The following LAMA3 variants were observed in gnomAD, a reference collection of about 807,000 sequenced individuals.
LAMA3 encodes laminin subunit alpha-3.
Under a neutral mutation model 402.0 loss-of-function variants are expected in LAMA3, and 281 were observed. That is an observed-to-expected ratio of 0.70 (90% confidence interval 0.63 to 0.77). The LOEUF (loss-of-function observed/expected upper bound fraction) is 0.77. Ranked by LOEUF, LAMA3 falls within the 30% of genes least tolerant of loss-of-function variation. The pLI is 0.00. For missense variants in LAMA3, 3,840 were observed against 4,215.5 expected (o/e 0.91, Z 2.47); for synonymous variants, 1,431 against 1,558.4 (o/e 0.92, Z 1.93).
chr18:23,925,638 C>T (rs1174814455), intron 62 of LAMA3, among the ~76,000 whole-genome samples: 2 of 152,148 alleles, frequency 1.3e-5, no homozygotes, highest in African/African-American at 4.8e-5. Flanking sequence ...TACATAAATA[C>T]CCCAACGCAG....
chr18:23,891,470 A>C (rs895803353), intron 42 of LAMA3, among the ~76,000 whole-genome samples: 1 of 152,202 alleles, frequency 6.6e-6, no homozygotes, highest in Non-Finnish European at 1.5e-5. Context: ...GCTGGTCTCC[A>C]AGGGCCTTCA....
chr18:23,856,208 A>C (rs2064075812), intron 32 of LAMA3, among the ~76,000 whole-genome samples: 1 of 152,194 alleles, frequency 6.6e-6, no homozygotes, highest in Admixed American at 6.5e-5. Context: ...ATCACATACA[A>C]AATCCTTTAT....
rs778508516 is a variant in LAMA3, at chr18:23,890,012, T to G, written c.5305T>G (p.Cys1769Gly). Residue 1769 changes from cysteine to glycine, a missense_variant and splice_region_variant, in exon 42 of 75, where the codon TGT (cysteine) becomes GGT (glycine). Cys to Gly is a radical substitution (Grantham distance 159). Coordinates refer to ENST00000313654, the MANE Select transcript of LAMA3 (RefSeq NM_198129.4). ...TCCTCCTCTCTATATTTTGTGTAGG[T>G]GTGCACCGGGATATTTCGGGAATCC... Reference protein sequence around the residue: ...AGYTGTQCERCAPGYFGNPQK... With the variant: ...AGYTGTQCERGAPGYFGNPQK... 2 of 1,611,260 alleles carry G rather than the reference T, an allele frequency of 1.2e-6. No homozygotes were observed. Among genetic ancestry groups the G allele is most frequent in the Non-Finnish European group, 1.7e-6 (2 of 1,177,578 alleles).
chr18:23,917,327 A>T (rs1401931682), intron 60 of LAMA3, among the ~76,000 whole-genome samples: 1 of 152,194 alleles, frequency 6.6e-6, no homozygotes, highest in Admixed American at 6.5e-5. Flanking sequence ...GATGCAAGGA[A>T]CATTGGCGTG....
chr18:23,692,008 C>A (rs1178865839), intron 1 of LAMA3, among the ~76,000 whole-genome samples: 1 of 152,196 alleles, frequency 6.6e-6, no homozygotes, highest in Non-Finnish European at 1.5e-5. Context: ...AAATGTAGAA[C>A]CCCTTGTTAA....
intron 48 of LAMA3, 24 bp downstream of exon 48, chr18:23,901,347 A>C: frequency 6.3e-7 from 1 of 1,591,896 alleles, no homozygotes; most frequent in Non-Finnish European, 8.6e-7. Context: ...TTGAAGTTGC[A>C]CACTTTCGTT....
Position 23,822,234 on chromosome 18 carries a change from C to T in LAMA3, c.2305-18C>T, listed in dbSNP as rs765587107. On this transcript the variant is annotated intron_variant, in intron 19 of 74. Coordinates refer to ENST00000313654, the MANE Select transcript of LAMA3 (RefSeq NM_198129.4). ...AACCATTTTTTTCTATGCTTTATGG[C>T]GTTTCGGTATTTTTCAGAATGATGT... 22 of 1,613,322 alleles carry T rather than the reference C, an allele frequency of 1.4e-5. No individual in the cohort carries two copies. Among genetic ancestry groups the T allele is most frequent in the South Asian group, 4.4e-5 (4 of 91,056 alleles).
intron 70 of LAMA3, among the ~76,000 whole-genome samples, chr18:23,947,419 G>A (rs374343283): frequency 1.3e-5 from 2 of 152,160 alleles, no homozygotes; most frequent in Non-Finnish European, 2.9e-5. Flanking sequence ...TTGGTGTGAT[G>A]TTTGCTTGCA....
At chr18:23,751,372 T>C (rs2061749824) in intron 5 of LAMA3, among the ~76,000 whole-genome samples, 1 of 152,204 alleles carries the variant, frequency 6.6e-6, no homozygotes, top group Admixed American at 6.5e-5. Context: ...CAGCCAACAA[T>C]TCCCAAATCT....
rs551520601 is a variant in LAMA3 at position 23,911,020 on chromosome 18, T to A, written c.7159-1691T>A. ...GAACGGGTGCCAGTTCTGTCAGTCATGTTCCATTTCATGGTGATGCACATA... is the reference window on the plus strand; with the variant it reads ...GAACGGGTGCCAGTTCTGTCAGTCAAGTTCCATTTCATGGTGATGCACATA... On this transcript the variant is annotated intron_variant, in intron 55 of 74. Coordinates refer to ENST00000313654, the MANE Select transcript of LAMA3 (RefSeq NM_198129.4). 2.9e-5 allele frequency among the ~76,000 whole-genome samples: 4 copies of A among 137,302 alleles called. 1 individual carries two copies. Among genetic ancestry groups the A allele is most frequent in the Admixed American group, 1.5e-4 (2 of 13,206 alleles). The allele number at this position is 137,302 out of a possible 152,430, so 90.1% of individuals were successfully genotyped here. A position where few individuals can be genotyped will look rare whatever the true frequency, so the allele number is the denominator to read the frequency against.
intron 39 of LAMA3, among the ~76,000 whole-genome samples, chr18:23,877,059 A>G (rs865921216): frequency 6.6e-6 from 1 of 152,166 alleles, no homozygotes; most frequent in Admixed American, 6.5e-5. Flanking sequence ...AACAACAACA[A>G]CAACAAACAG....
At position 23,694,650 on chromosome 18, in the gene LAMA3, T is replaced by G. The variant is rs573763100; in HGVS notation, c.294+4673T>G. Among the ~76,000 whole-genome samples, 25 of 152,364 alleles carry G rather than the reference T, an allele frequency of 1.6e-4. 1 individual carries two copies. Among genetic ancestry groups the G allele is most frequent in the Admixed American group, 1.5e-3 (23 of 15,308 alleles). On this transcript the variant is annotated intron_variant, in intron 1 of 74. Coordinates refer to ENST00000313654, the MANE Select transcript of LAMA3 (RefSeq NM_198129.4). ...CAGATTTAAACCCAGGTACTCTGGC[T>G]GCAGAATTCACGCTCTTACCCGCTA... is the stretch of plus-strand genomic sequence containing the variant.
Position 23,730,786 on chromosome 18 carries a change from C to T in LAMA3, c.447+16714C>T, listed in dbSNP as rs368524084. On this transcript the variant is annotated intron_variant, in intron 2 of 74. Coordinates refer to ENST00000313654, the MANE Select transcript of LAMA3 (RefSeq NM_198129.4). ...GATACATTTTTTCTTACTTAGAATA[C>T]GCTGTCCGGGCATATTTTACCTTTA... Among the ~76,000 whole-genome samples, 64 of 152,184 alleles carry T rather than the reference C, an allele frequency of 4.2e-4. 3 individuals carry two copies. In the South Asian group the frequency reaches 0.01, roughly 24 times the overall value.
chr18:23,907,487 A>G (rs2081286795), intron 52 of LAMA3, 63 bp from the exon 53 acceptor site: 7 of 1,213,278 alleles, frequency 5.8e-6, no homozygotes, highest in African/African-American at 1.5e-5. Context: ...CAGGGGCCAC[A>G]AATACCAATG....
At chr18:23,876,952 C>T (rs1268646065) in intron 39 of LAMA3, among the ~76,000 whole-genome samples, 2 of 152,134 alleles carry the variant, frequency 1.3e-5, no homozygotes, top group African/African-American at 4.8e-5. Context: ...ACCCTGGAGG[C>T]AGAGGTTGCA....
chr18:23,743,807 A>G (rs1409002745), intron 2 of LAMA3, among the ~76,000 whole-genome samples: 2 of 152,218 alleles, frequency 1.3e-5, no homozygotes, highest in East Asian at 1.9e-4. Context: ...GTCCCTCTCC[A>G]TCATTTCTCC....
At chr18:23,749,741 G>A (rs1447860499) in intron 4 of LAMA3, among the ~76,000 whole-genome samples, 195 bp downstream of exon 4, 3 of 152,152 alleles carry the variant, frequency 2.0e-5, no homozygotes, top group African/African-American at 7.2e-5. Context: ...TTCTGTTGGG[G>A]GATTTCAGTT....
Position 23,774,154 on chromosome 18 carries a change from C to T in LAMA3, c.1273+567C>T, listed in dbSNP as rs142652470. 7.3e-3 allele frequency among the ~76,000 whole-genome samples: 1,112 copies of T among 152,242 alleles called. 8 individuals carry two copies. The highest frequency in any genetic ancestry group is 0.01 in the Non-Finnish European group (687 of 68,024). On this transcript the variant is annotated intron_variant, in intron 9 of 74. Coordinates refer to ENST00000313654, the MANE Select transcript of LAMA3 (RefSeq NM_198129.4). ...ATGAGAATTGCTTGAACCCAGGAGG[C>T]GGAGGTTGCAGTGAGCCAAGATCAC...
chr18:23,829,243 G>A (rs1055211608), intron 23 of LAMA3, among the ~76,000 whole-genome samples: 1 of 152,222 alleles, frequency 6.6e-6, no homozygotes, highest in Admixed American at 6.5e-5. Context: ...TCATGGGCCA[G>A]TATATTTAAA....
Sources: gnomAD v4.1 joint callset for allele counts (sites outside exome capture counted in the v4.1 genomes callset) on GRCh38, gnomAD v4.1.1 for gene constraint, MANE v1.5 for transcripts, NCBI Gene and HGNC (gene_info 2026-07-23, HGNC 2026-07-21) for gene names.